Variants in CNBD1 observed in about 807,000 individuals in gnomAD.
CNBD1 encodes cyclic nucleotide-binding domain-containing protein 1.
A neutral mutation model predicts 54.4 loss-of-function variants in CNBD1; 71 were observed. That is an observed-to-expected ratio of 1.30 (90% CI 1.08 to 1.59). The LOEUF (loss-of-function observed/expected upper bound fraction) is 1.59. Ranked by LOEUF, CNBD1 falls within the 40% of genes most tolerant of loss-of-function variation. The probability of loss-of-function intolerance (pLI) is 0.00; values close to 1 mark genes in which losing one functional copy is unlikely to be tolerated. For missense variants in CNBD1, 659 were observed against 518.0 expected (o/e 1.27, Z -2.64); for synonymous variants, 182 against 170.7 (o/e 1.07, Z -0.51).
rs116361273 is a variant in CNBD1, at chr8:87,260,786, A to T, written c.771+23674A>T. ...TGTTCATTTGGAATGTTCTACTATA[A>T]GTTATCTTTAGTAAGATTTTGTCAT... On this transcript the variant is annotated intron_variant, in intron 6 of 10. Coordinates refer to ENST00000518476, the MANE Select transcript of CNBD1 (RefSeq NM_173538.3). Among the ~76,000 whole-genome samples the T allele has an allele frequency of 3.5e-3, 530 of 152,124 alleles. 2 individuals are homozygous for T. The highest frequency in any genetic ancestry group is 0.011 in the African/African-American group (462 of 41,516).
chr8:87,361,102 T>C (rs1810516418), intron 10 of CNBD1, among the ~76,000 whole-genome samples: 1 of 151,946 alleles, frequency 6.6e-6, no homozygotes, highest in Non-Finnish European at 1.5e-5. Context: ...TCTTTCCCCT[T>C]TTGCGTTTTT....
intron 4 of CNBD1, among the ~76,000 whole-genome samples, chr8:86,958,690 C>T (rs1203907439): frequency 2.0e-5 from 3 of 152,086 alleles, no homozygotes; most frequent in Non-Finnish European, 4.4e-5. Flanking sequence ...GGTAAATCTT[C>T]CCCCATCCCT....
intron 10 of CNBD1, among the ~76,000 whole-genome samples, chr8:87,362,033 G>C (rs190559458): frequency 2.2e-4 from 33 of 152,048 alleles, no homozygotes; most frequent in Non-Finnish European, 4.0e-4. Context: ...GTCATTCCAT[G>C]TCCTGAGATT....
intron 4 of CNBD1, among the ~76,000 whole-genome samples, chr8:87,068,747 C>G (rs1033392040): frequency 1.3e-5 from 2 of 151,980 alleles, no homozygotes; most frequent in African/African-American, 4.8e-5. Flanking sequence ...GATAGAATTG[C>G]TATTTTCTCT....
intron 8 of CNBD1, among the ~76,000 whole-genome samples, chr8:87,308,540 C>T (rs1809202071): frequency 6.6e-6 from 1 of 152,078 alleles, no homozygotes; most frequent in African/African-American, 2.4e-5. Context: ...ATGATCAAAT[C>T]AGTGTATTTA....
At chr8:86,985,789 T>C (rs1270705643) in intron 4 of CNBD1, among the ~76,000 whole-genome samples, 2 of 152,222 alleles carry the variant, frequency 1.3e-5, no homozygotes, top group African/African-American at 4.8e-5. Flanking sequence ...CATTCAACAG[T>C]GAGTGAACTA....
chr8:87,265,185 T>A (rs1453141749), intron 6 of CNBD1, among the ~76,000 whole-genome samples: 2 of 152,098 alleles, frequency 1.3e-5, no homozygotes, highest in Admixed American at 1.3e-4. Context: ...GTATAAGGTG[T>A]AAGGAAGGGA....
intron 4 of CNBD1, among the ~76,000 whole-genome samples, chr8:87,018,779 G>C (rs925344692): frequency 2.6e-5 from 4 of 152,106 alleles, no homozygotes; most frequent in African/African-American, 9.7e-5. Flanking sequence ...TCTAGGCCCA[G>C]GGACTATTGC....
At chr8:86,937,279 G>T (rs1345954406) in intron 3 of CNBD1, among the ~76,000 whole-genome samples, 3 of 152,136 alleles carry the variant, frequency 2.0e-5, no homozygotes, top group African/African-American at 7.2e-5. Context: ...CCATGATTCA[G>T]ATACCTCCCA....
At chr8:87,287,214 G>T (rs1018510624) in intron 8 of CNBD1, among the ~76,000 whole-genome samples, 3 of 152,118 alleles carry the variant, frequency 2.0e-5, no homozygotes, top group African/African-American at 7.2e-5. Context: ...GGATTTCCTG[G>T]ATTATGTGTA....
At chr8:86,911,058 G>T (rs1586128852) in intron 3 of CNBD1, among the ~76,000 whole-genome samples, 1 of 152,180 alleles carries the variant, frequency 6.6e-6, no homozygotes, top group Non-Finnish European at 1.5e-5. Context: ...TATGCAAAAG[G>T]ATTCTCTACC....
intron 4 of CNBD1, among the ~76,000 whole-genome samples, chr8:87,161,126 A>T (rs1195512332): frequency 6.6e-6 from 1 of 152,090 alleles, no homozygotes; most frequent in Non-Finnish European, 1.5e-5. Context: ...CAAGGACTAA[A>T]TTTGCTTCCA....
chr8:87,034,403 A>G (rs557522631), intron 4 of CNBD1, among the ~76,000 whole-genome samples: 1 of 152,354 alleles, frequency 6.6e-6, no homozygotes, highest in South Asian at 2.1e-4. Context: ...TGGTGTTTTA[A>G]GCTAATACTG....
intron 5 of CNBD1, among the ~76,000 whole-genome samples, chr8:87,222,191 A>C (rs930148982): frequency 2.0e-5 from 3 of 152,108 alleles, no homozygotes; most frequent in Non-Finnish European, 4.4e-5. Flanking sequence ...GTTTTATCTT[A>C]TTCCTCAATA....
chr8:86,953,210 T>C (rs1265944511), intron 4 of CNBD1, among the ~76,000 whole-genome samples: 1 of 152,200 alleles, frequency 6.6e-6, no homozygotes, highest in African/African-American at 2.4e-5. Flanking sequence ...GCATGTGCCT[T>C]CATCTCTCTT....
Position 87,292,916 on chromosome 8 carries a change from C to T in CNBD1, c.1042+6245C>T, listed in dbSNP as rs187196488. 1.6e-3 allele frequency among the ~76,000 whole-genome samples: 237 copies of T among 152,112 alleles called. 1 individual carries two copies. The highest frequency in any genetic ancestry group is 2.1e-3 in the Non-Finnish European group (145 of 68,006). ...GCTCTGTGTTGTGAGTGGGCATTTC[C>T]GCTGGCTACTCTATTTTCTTGCTCT... On this transcript the variant is annotated intron_variant, in intron 8 of 10. Coordinates refer to ENST00000518476, the MANE Select transcript of CNBD1 (RefSeq NM_173538.3).
chr8:87,390,402 G>GA (rs1329707614), intron 2 of CNBD1, among the ~76,000 whole-genome samples: 1 of 150,198 alleles, frequency 6.7e-6, no homozygotes, highest in Admixed American at 6.6e-5. Flanking sequence ...AAATTTACAA[G>GA]AAAAAACCCC....
chr8:87,002,972 A>G (rs1007274643), intron 4 of CNBD1, among the ~76,000 whole-genome samples: 2 of 152,204 alleles, frequency 1.3e-5, no homozygotes, highest in Non-Finnish European at 2.9e-5. Context: ...CCTAGAAAAG[A>G]TGATAAGAAA....
intron 2 of CNBD1, among the ~76,000 whole-genome samples, chr8:86,892,029 C>G (rs1264396955): frequency 1.3e-5 from 2 of 151,856 alleles, no homozygotes; most frequent in Non-Finnish European, 2.9e-5. Flanking sequence ...TGCTTCCTTC[C>G]CTATTGGGCT....
Sources: allele counts gnomAD v4.1 joint callset (sites outside exome capture counted in the v4.1 genomes callset), GRCh38; gene constraint gnomAD v4.1.1; transcripts MANE v1.5; gene names NCBI Gene and HGNC (gene_info 2026-07-23, HGNC 2026-07-21).